Variants in ANK2 observed in about 807,000 individuals in gnomAD.
ANK2 encodes ankyrin-2.
In ANK2, 83 loss-of-function variants were observed where a neutral mutation model predicts 360.5. The ratio of observed to expected loss-of-function variants is 0.23; its 90% confidence interval spans 0.19 to 0.28. The LOEUF is 0.28. Among genes scored for constraint, ANK2 ranks in the 10% least tolerant of loss-of-function variants. The pLI, the probability that ANK2 is intolerant of heterozygous loss-of-function variation, is 1.00. For missense variants in ANK2, 4,201 were observed against 4,795.7 expected, an observed-to-expected ratio of 0.88 and a Z score of 3.66; for synonymous variants, 1,740 against 1,759.5, an observed-to-expected ratio of 0.99 and a Z score of 0.28.
At chr4:113,198,803 G>A (rs2098788048) in intron 3 of ANK2, among the ~76,000 whole-genome samples, 1 of 151,602 alleles carries the variant, frequency 6.6e-6, no homozygotes, top group Non-Finnish European at 1.5e-5. Flanking sequence ...CCAATATTGT[G>A]AAAATAGAAA....
At chr4:112,982,487 A>G (rs905383089) in intron 2 of ANK2, among the ~76,000 whole-genome samples, 1 of 152,358 alleles carries the variant, frequency 6.6e-6, no homozygotes, top group African/African-American at 2.4e-5. Context: ...TTAAAAACAC[A>G]TAGTTATTGC....
At chr4:113,174,545 T>A (rs1366728347) in intron 2 of ANK2, 28 bp downstream of exon 2, 1 of 1,511,812 alleles carries the variant, frequency 6.6e-7, no homozygotes. Flanking sequence ...AGCTCTGTGT[T>A]GTGCAACGAA....
At chr4:113,369,895 T>C in intron 43 of ANK2, 90 bp downstream of exon 43, 2 of 1,553,442 alleles carry the variant, frequency 1.3e-6, no homozygotes, top group Non-Finnish European at 1.8e-6. Flanking sequence ...TTTTTTGCAC[T>C]TCAAAACAAA....
intron 1 of ANK2, among the ~76,000 whole-genome samples, chr4:112,862,204 G>A (rs2068324435): frequency 6.6e-6 from 1 of 152,182 alleles, no homozygotes; most frequent in Non-Finnish European, 1.5e-5. Context: ...GTATTAAATT[G>A]CTGAGCATTC....
intron 32 of ANK2, 107 bp from the exon 33 acceptor site, chr4:113,341,581 T>C (rs2094306481): frequency 4.2e-6 from 5 of 1,188,562 alleles, no homozygotes; most frequent in Non-Finnish European, 6.2e-6. Context: ...ACTTCCTTTT[T>C]TCCAAGAAGC....
intron 1 of ANK2, among the ~76,000 whole-genome samples, chr4:112,853,343 A>G (rs2065511866): frequency 6.6e-6 from 1 of 151,722 alleles, no homozygotes; most frequent in South Asian, 2.1e-4. Flanking sequence ...CTGGGATTGC[A>G]GGCGTGAGCC....
chr4:112,953,941 C>T (rs1449776954), intron 2 of ANK2, among the ~76,000 whole-genome samples: 1 of 151,258 alleles, frequency 6.6e-6, no homozygotes, highest in African/African-American at 2.4e-5. Context: ...TTCTCTGTCT[C>T]CCCCCGCCCC....
the ANK2 span, among the ~76,000 whole-genome samples, chr4:112,780,559 A>C: frequency 1.3e-5 from 2 of 152,192 alleles, no homozygotes; most frequent in Non-Finnish European, 2.9e-5. Flanking sequence ...CATATGTAGA[A>C]CAATAGCATA....
At chr4:112,948,741 T>C (rs1483580292) in intron 2 of ANK2, among the ~76,000 whole-genome samples, 1 of 152,186 alleles carries the variant, frequency 6.6e-6, no homozygotes, top group Non-Finnish European at 1.5e-5. Context: ...AAAACGTTAT[T>C]GTTATATGCA....
chr4:112,948,933 C>T (rs577996641), intron 2 of ANK2, among the ~76,000 whole-genome samples: 1 of 152,230 alleles, frequency 6.6e-6, no homozygotes, highest in African/African-American at 2.4e-5. Context: ...ATCAAATGTC[C>T]TCTTCATCTC....
chr4:113,278,607 T>G (rs1563369240), intron 17 of ANK2, 49 bp downstream of exon 17: 1 of 1,540,284 alleles, frequency 6.5e-7, no homozygotes, highest in African/African-American at 1.4e-5. Context: ...AACTATCGCC[T>G]GAAAACACAT....
chr4:112,719,592 G>A, the ANK2 span, among the ~76,000 whole-genome samples: 1 of 152,000 alleles, frequency 6.6e-6, no homozygotes, highest in South Asian at 2.1e-4. Context: ...GCCAGGCGTT[G>A]TGGTGGGCGC....
At chr4:113,279,697 T>A (rs1045884545) in intron 17 of ANK2, among the ~76,000 whole-genome samples, 8 of 148,408 alleles carry the variant, frequency 5.4e-5, no homozygotes, top group East Asian at 3.9e-4. Flanking sequence ...ATTTTATATA[T>A]AAATATATTA....
chr4:112,892,070 T>G (rs1580643145), intron 1 of ANK2, among the ~76,000 whole-genome samples: 1 of 150,612 alleles, frequency 6.6e-6, no homozygotes, highest in South Asian at 2.1e-4. Flanking sequence ...AGTGGGTGGG[T>G]GGGAATTGGG....
rs771964590 is a variant in ANK2, at chr4:113,355,632, G to T, written c.7014G>T (p.Glu2338Asp). 12 of 1,613,930 alleles carry T rather than the reference G, an allele frequency of 7.4e-6. No individual in the cohort carries two copies. Among genetic ancestry groups the T allele is most frequent in the Non-Finnish European group, 1.7e-6 (2 of 1,179,964 alleles). The change falls in exon 38 of 46, where the codon GAG becomes GAT. Residue 2338 changes from glutamate to aspartate, a missense_variant. Glu to Asp is a conservative substitution (Grantham distance 45, BLOSUM62 2). Around this residue, in one of 4 missense-constraint regions of ANK2, gnomAD observed 2,642 missense variants for 2,714.5 expected, o/e 0.97. Coordinates refer to ENST00000357077, the MANE Select transcript of ANK2 (RefSeq NM_001148.6). Reference sequence around the variant, plus strand: ...GCTGTAGTGTAGCATTAGCTAAAGAGACACCTACAGGACTGACTGAGGAGG... The same window carrying T: ...GCTGTAGTGTAGCATTAGCTAAAGATACACCTACAGGACTGACTGAGGAGG... ...TGSCSVALAKETPTGLTEEAA... is the reference protein window; with the variant it reads ...TGSCSVALAKDTPTGLTEEAA...
chr4:113,117,909 GT>G (rs1460030023), intron 1 of ANK2, among the ~76,000 whole-genome samples: 1 of 152,058 alleles, frequency 6.6e-6, no homozygotes, highest in Non-Finnish European at 1.5e-5. Context: ...CCTCCTGGAG[GT>G]TTACACCCGG....
At chr4:112,970,817 A>G (rs547883145) in intron 2 of ANK2, among the ~76,000 whole-genome samples, 204 of 152,288 alleles carry the variant, frequency 1.3e-3, no homozygotes, top group African/African-American at 4.5e-3. Context: ...TGTATTGTAT[A>G]CTTGAAAATC....
At chr4:112,966,701 T>G (rs1444201031) in intron 2 of ANK2, among the ~76,000 whole-genome samples, 1 of 152,190 alleles carries the variant, frequency 6.6e-6, no homozygotes, top group Non-Finnish European at 1.5e-5. Context: ...CATAATCATA[T>G]GTAAGATCAT....
intron 1 of ANK2, among the ~76,000 whole-genome samples, chr4:112,879,733 A>G (rs1488401320): frequency 6.6e-6 from 1 of 152,202 alleles, no homozygotes; most frequent in African/African-American, 2.4e-5. Flanking sequence ...CACAAAGGGA[A>G]CTCTGAAAAT....
Sources: gnomAD v4.1 joint callset for allele counts (sites outside exome capture counted in the v4.1 genomes callset) on GRCh38, gnomAD v4.1.1 for gene constraint, gnomAD v4.1.1 regional missense constraint, MANE v1.5 for transcripts, NCBI Gene and HGNC (gene_info 2026-07-23, HGNC 2026-07-21) for gene names.